CLINT1: variants seen among roughly 807,000 people sequenced by gnomAD.
The protein encoded by CLINT1 is clathrin interacting protein localized in the trans-Golgi region.
A neutral mutation model predicts 70.4 loss-of-function variants in CLINT1; 15 were observed. That is an observed-to-expected ratio of 0.21 (90% confidence interval 0.14 to 0.33). CLINT1 has a LOEUF of 0.33. CLINT1 is among the 10% of genes least tolerant of loss of function. The pLI is 1.00. For synonymous variants in CLINT1, 227 were observed against 254.7 expected (o/e 0.89, Z 1.04); for missense variants, 615 against 778.1 (o/e 0.79, Z 2.49).
intron 1 of CLINT1, among the ~76,000 whole-genome samples, chr5:157,837,481 T>C (rs1226780171): frequency 1.3e-5 from 2 of 152,196 alleles, no homozygotes; most frequent in Non-Finnish European, 1.5e-5. Flanking sequence ...TCATCATGTA[T>C]TCTAAAAACT....
chr5:157,838,891 T>C (rs528420943), intron 1 of CLINT1, among the ~76,000 whole-genome samples: 12 of 152,258 alleles, frequency 7.9e-5, no homozygotes, highest in Non-Finnish European at 1.0e-4. Flanking sequence ...GTAGTGAAAA[T>C]AGAACAGAAA....
chr5:157,817,360 T>C (rs889225684), intron 2 of CLINT1, 83 bp downstream of exon 2: 12 of 892,834 alleles, frequency 1.3e-5, no homozygotes, highest in Non-Finnish European at 2.1e-5. Flanking sequence ...AGCCAAATAG[T>C]TTAAATCTGA....
chr5:157,818,467 TAAAAAAAAAAAA>T (rs929415179), intron 1 of CLINT1, among the ~76,000 whole-genome samples: 1 of 88,336 alleles, frequency 1.1e-5, no homozygotes, highest in Non-Finnish European at 2.2e-5. Flanking sequence ...ACCTGGTCTC[TAAAAAAAAAAAA>T]AAAAAAAAAA....
intron 1 of CLINT1, 37 bp downstream of exon 1, chr5:157,858,893 A>ACCC: frequency 1.0e-5 from 2 of 197,224 alleles, no homozygotes; most frequent in South Asian, 7.9e-5. Flanking sequence ...CCCCTCCCCC[A>ACCC]CGTGGGCCTC....
chr5:157,852,007 A>G (rs1753593774), intron 1 of CLINT1, among the ~76,000 whole-genome samples: 1 of 152,192 alleles, frequency 6.6e-6, no homozygotes, highest in Non-Finnish European at 1.5e-5. Context: ...CTGTTTGTCC[A>G]TTGTCAAACA....
chr5:157,787,405 C>A lies in CLINT1; in HGVS notation c.*241G>T, dbSNP rs1761758062. ...TAAAGGCTTTCAATGGTCTCACCAC[C>A]CACTTGTGGTCTATCCTCACTGGAA... is the stretch of plus-strand genomic sequence containing the variant. On this transcript the variant is annotated 3_prime_UTR_variant, in exon 12 of 12. Coordinates refer to ENST00000411809, the MANE Select transcript of CLINT1 (RefSeq NM_014666.4). 1.3e-5 allele frequency: 7 copies of A among 530,012 alleles called. No homozygotes were observed. Among genetic ancestry groups the A allele is most frequent in the Non-Finnish European group, 2.0e-5 (6 of 299,274 alleles). 32.8% of individuals were successfully genotyped at this position (530,012 alleles called of 1,614,324 possible).
At chr5:157,855,105 T>C (rs1753710727) in intron 1 of CLINT1, among the ~76,000 whole-genome samples, 1 of 127,564 alleles carries the variant, frequency 7.8e-6, no homozygotes, top group Admixed American at 1.0e-4. Context: ...AATCACGCCA[T>C]TGCACTTCAG....
intron 6 of CLINT1, among the ~76,000 whole-genome samples, chr5:157,807,324 A>C (rs1242239089): frequency 6.6e-6 from 1 of 152,080 alleles, no homozygotes; most frequent in Non-Finnish European, 1.5e-5. Flanking sequence ...ACAACAAATG[A>C]CCTGAAGATT....
Position 157,859,036 on chromosome 5 carries a change from G to C in CLINT1, c.-66C>G. On this transcript the variant is annotated 5_prime_UTR_variant, in exon 1 of 12. Coordinates refer to ENST00000411809, the MANE Select transcript of CLINT1 (RefSeq NM_014666.4). Reference sequence around the variant, plus strand: ...TCCCCACGGACCCCGGAACACTTCCGTACCGGGGCAGTTCCAGGCCGGGGT... The same window carrying C: ...TCCCCACGGACCCCGGAACACTTCCCTACCGGGGCAGTTCCAGGCCGGGGT... The C allele has an allele frequency of 6.3e-7, 1 of 1,581,350 alleles. No individual in the cohort carries two copies. Among genetic ancestry groups the C allele is most frequent in the Non-Finnish European group, 8.6e-7 (1 of 1,158,836 alleles).
chr5:157,855,957 C>T (rs1435819807), intron 1 of CLINT1, among the ~76,000 whole-genome samples: 2 of 151,922 alleles, frequency 1.3e-5, no homozygotes, highest in Admixed American at 6.6e-5. Context: ...AGAAATACAT[C>T]ATTACACTTA....
intron 1 of CLINT1, among the ~76,000 whole-genome samples, chr5:157,832,086 C>G (rs1763264690): frequency 6.6e-6 from 1 of 152,112 alleles, no homozygotes; most frequent in Non-Finnish European, 1.5e-5. Flanking sequence ...CTCCCAAATT[C>G]AAGCGACTCT....
At chr5:157,835,711 C>G (rs1332354766) in intron 1 of CLINT1, among the ~76,000 whole-genome samples, 1 of 152,016 alleles carries the variant, frequency 6.6e-6, no homozygotes, top group African/African-American at 2.4e-5. Context: ...AAAATAAACA[C>G]CCTCTACTCA....
At chr5:157,845,679 G>A (rs1753347257) in intron 1 of CLINT1, among the ~76,000 whole-genome samples, 1 of 151,564 alleles carries the variant, frequency 6.6e-6, no homozygotes, top group South Asian at 2.1e-4. Flanking sequence ...AGCCTCCCAA[G>A]TAGCTGGGAC....
chr5:157,852,425 T>C (rs1487004714), intron 1 of CLINT1, among the ~76,000 whole-genome samples: 1 of 152,210 alleles, frequency 6.6e-6, no homozygotes, highest in African/African-American at 2.4e-5. Context: ...AAAATAATGA[T>C]TTCATGGATG....
At chr5:157,837,649 C>CTTTTTTT (rs202044066) in intron 1 of CLINT1, among the ~76,000 whole-genome samples, 30 of 138,538 alleles carry the variant, frequency 2.2e-4, no homozygotes, top group East Asian at 8.3e-4. Context: ...AGCTCTTTTA[C>CTTTTTTT]TTTTTTTTTT....
chr5:157,810,718 C>T (rs144163020), intron 5 of CLINT1, among the ~76,000 whole-genome samples: 5 of 152,068 alleles, frequency 3.3e-5, no homozygotes, highest in East Asian at 3.9e-4. Context: ...ACAGAGAGCA[C>T]GTGAGGTATT....
chr5:157,808,704 A>G (rs974455593), intron 6 of CLINT1, among the ~76,000 whole-genome samples: 1 of 152,160 alleles, frequency 6.6e-6, no homozygotes, highest in Non-Finnish European at 1.5e-5. Context: ...AAAACTAAAT[A>G]CCATCAGAAA....
chr5:157,838,346 C>T (rs779779773), intron 1 of CLINT1, among the ~76,000 whole-genome samples: 1 of 152,160 alleles, frequency 6.6e-6, no homozygotes, highest in African/African-American at 2.4e-5. Context: ...TGGTCTCAAA[C>T]TCCTGACCTC....
In CLINT1 at chr5:157,819,977, G is replaced by C. The variant is rs571608990; in HGVS notation, c.42-2430C>G. ...GCCTGTGTGAGTGCTGTGTTTAGAG[G>C]GAGAGGTGGCAGAGAGCCAATAATC... On this transcript the variant is annotated intron_variant, in intron 1 of 11. Coordinates refer to ENST00000411809, the MANE Select transcript of CLINT1 (RefSeq NM_014666.4). 7.3e-4 allele frequency among the ~76,000 whole-genome samples: 111 copies of C among 152,264 alleles called. 1 individual carries two copies. Among genetic ancestry groups the C allele is most frequent in the African/African-American group, 2.6e-3 (106 of 41,562 alleles).
Sources: allele counts gnomAD v4.1 joint callset (sites outside exome capture counted in the v4.1 genomes callset), GRCh38; gene constraint gnomAD v4.1.1; transcripts MANE v1.5; gene names NCBI Gene and HGNC (gene_info 2026-07-23, HGNC 2026-07-21).